SLC12A2: variants seen among roughly 807,000 people sequenced by gnomAD.
SLC12A2 encodes the protein solute carrier family 12 member 2, also known as Na-K-2Cl cotransporter 1.
Under a neutral mutation model 136.3 loss-of-function variants are expected in SLC12A2, and 67 were observed. That is an observed-to-expected ratio of 0.49 (90% CI 0.40 to 0.60). The LOEUF (loss-of-function observed/expected upper bound fraction) is 0.60, where lower values mean the gene tolerates loss of function less well. SLC12A2 is among the 20% of genes least tolerant of loss of function. The pLI is 0.00. For missense variants in SLC12A2, 1,322 were observed against 1,534.7 expected (o/e 0.86, Z 2.32); for synonymous variants, 619 against 562.9 (o/e 1.10, Z -1.41).
At chr5:128,126,374 G>T (rs1314253648) in intron 4 of SLC12A2, among the ~76,000 whole-genome samples, 1 of 152,110 alleles carries the variant, frequency 6.6e-6, no homozygotes, top group Non-Finnish European at 1.5e-5. Flanking sequence ...AAGAAATCAG[G>T]CAGTAACAGA....
chr5:128,099,245 AC>A (rs1760658504), intron 1 of SLC12A2, among the ~76,000 whole-genome samples: 1 of 152,154 alleles, frequency 6.6e-6, no homozygotes, highest in Admixed American at 6.6e-5. Context: ...CTTCTAGGCT[AC>A]AAATCTGTAC....
rs1763904474 is a variant in SLC12A2, at chr5:128,187,430, A to G, written c.*799A>G. ...GTCATTCTTTAAACAAAAATACTCA[A>G]GATCATTTATATTTATTTGGAGAGA... On this transcript the variant is annotated 3_prime_UTR_variant, in exon 27 of 27. Transcript: ENST00000262461. The G allele has an allele frequency of 6.6e-6, 1 of 152,110 alleles. No individual in the cohort carries two copies. Among genetic ancestry groups the G allele is most frequent in the Non-Finnish European group, 1.5e-5 (1 of 67,980 alleles). The allele number at this position is 152,110 out of a possible 1,614,324, so 9.4% of individuals were successfully genotyped here.
chr5:128,184,240 G>T, intron 24 of SLC12A2, 126 bp from the exon 25 acceptor site: 1 of 563,846 alleles, frequency 1.8e-6, no homozygotes, highest in Non-Finnish European at 3.1e-6. Flanking sequence ...ATTATGGTTG[G>T]GGTATGGAGA....
rs538031812 is a variant in SLC12A2, at chr5:128,123,532, G to A, written c.1049-7535G>A. ...TTTTATTTTTCATTCTAGTATGTGC[G>A]TAGTGGTATCTTAGGATAGTTTTCA... is the stretch of plus-strand genomic sequence containing the variant. On this transcript the variant is annotated intron_variant, in intron 4 of 26. Coordinates refer to ENST00000262461, the MANE Select transcript of SLC12A2 (RefSeq NM_001046.3). Among the ~76,000 whole-genome samples the A allele has an allele frequency of 3.3e-5, 5 of 152,178 alleles. No homozygotes were observed. The South Asian group carries it at 1.0e-3, about 32-fold the overall frequency.
At chr5:128,168,649 G>C (rs901136411) in intron 18 of SLC12A2, 1 of 152,198 alleles carries the variant, frequency 6.6e-6, no homozygotes, top group African/African-American at 2.4e-5. Context: ...GTCCCGTCTG[G>C]GGGTGATGGG....
intron 4 of SLC12A2, among the ~76,000 whole-genome samples, chr5:128,118,425 C>G (rs1171618121): frequency 2.0e-5 from 3 of 152,156 alleles, no homozygotes; most frequent in Admixed American, 6.5e-5. Context: ...TTGCGGCAAC[C>G]TGCATGGAGT....
chr5:128,111,077 T>C (rs1761126541), intron 1 of SLC12A2: 3 of 562,572 alleles, frequency 5.3e-6, no homozygotes, highest in East Asian at 3.4e-5. Context: ...ATTAATTCCA[T>C]GGACAATATA....
intron 23 of SLC12A2, among the ~76,000 whole-genome samples, chr5:128,181,448 T>A (rs1425213559): frequency 6.6e-6 from 1 of 152,212 alleles, no homozygotes; most frequent in Admixed American, 6.5e-5. Flanking sequence ...CTCTAAGTAC[T>A]CTTGTTTTGT....
rs1022287960 is a variant in SLC12A2, at chr5:128,141,891, A to C, written c.1683A>C (p.Thr561=). The C allele has an allele frequency of 6.2e-7, 1 of 1,613,950 alleles. No individual in the cohort carries two copies. The highest frequency in any genetic ancestry group is 1.3e-5 in the African/African-American group (1 of 74,928). Residue 561 remains threonine (T), a synonymous_variant, in exon 10 of 27, where the codon ACA becomes ACC. Coordinates refer to ENST00000262461, the MANE Select transcript of SLC12A2 (RefSeq NM_001046.3). ...NVNDTIVTEL[T]NCTSAACKLN... ...ATGACACTATCGTAACAGAGCTAAC[A>C]AACTGTACTTCTGCAGCCTGCAAAT...
intron 26 of SLC12A2, 113 bp from the exon 27 acceptor site, chr5:128,186,383 T>C (rs372947729): frequency 3.9e-6 from 4 of 1,019,528 alleles, no homozygotes; most frequent in African/African-American, 3.2e-5. Flanking sequence ...TCTGTAATTA[T>C]AGTAATTTAC....
chr5:128,169,000 TTTTG>T (rs1228660751), intron 18 of SLC12A2: 1 of 152,232 alleles, frequency 6.6e-6, no homozygotes, highest in Non-Finnish European at 1.5e-5. Context: ...ACCACATACT[TTTTG>T]TTTAATAACA....
At chr5:128,185,304 C>A (rs546028610) in intron 26 of SLC12A2, among the ~76,000 whole-genome samples, 1 of 152,078 alleles carries the variant, frequency 6.6e-6, no homozygotes, top group Non-Finnish European at 1.5e-5. Flanking sequence ...GTTTCCAACA[C>A]GCAAATTTTA....
intron 9 of SLC12A2, among the ~76,000 whole-genome samples, chr5:128,139,245 T>G (rs1762280289): frequency 6.6e-6 from 1 of 151,940 alleles, no homozygotes; most frequent in African/African-American, 2.4e-5. Flanking sequence ...TCTTACAAAT[T>G]TCTGTATTTT....
intron 1 of SLC12A2, among the ~76,000 whole-genome samples, chr5:128,093,329 T>G (rs997328346): frequency 2.0e-5 from 3 of 152,144 alleles, no homozygotes; most frequent in African/African-American, 7.2e-5. Context: ...ACTTTTCTCC[T>G]TCCTTGTTCC....
chr5:128,184,921 A>G (rs956664554), intron 26 of SLC12A2, 65 bp downstream of exon 26: 174 of 1,380,226 alleles, frequency 1.3e-4, no homozygotes, highest in Non-Finnish European at 1.5e-4. Context: ...ATTAATTTCT[A>G]TTCCAAGTAC....
intron 6 of SLC12A2, among the ~76,000 whole-genome samples, chr5:128,134,894 T>G (rs1263073967): frequency 6.6e-6 from 1 of 152,244 alleles, no homozygotes. Flanking sequence ...GTGCTATATA[T>G]GATATGATAA....
chr5:128,133,175 A>T (rs898454023), intron 5 of SLC12A2, among the ~76,000 whole-genome samples: 2 of 152,110 alleles, frequency 1.3e-5, no homozygotes, highest in African/African-American at 2.4e-5. Flanking sequence ...ACACTAAAAA[A>T]TTTTTTTGCA....
Position 128,148,754 on chromosome 5 carries a change from G to T in SLC12A2, c.1882G>T (p.Ala628Ser). 1 of 1,580,344 alleles carries T rather than the reference G, an allele frequency of 6.3e-7. No homozygotes were observed. Residue 628 changes from alanine to serine, a missense_variant and splice_region_variant, in exon 12 of 27, where the codon GCT becomes TCT. Ala to Ser is a moderately conservative substitution (Grantham distance 99). Around this residue, in one of 8 missense-constraint regions of SLC12A2, gnomAD observed 294 missense variants for 436.6 expected, o/e 0.67. Transcript: ENST00000262461. ...SLVSAPKIFQ[A>S]LCKDNIYPAF... ...TCATTTTAATGTTTTCTTTCATTAG[G>T]CTCTATGTAAGGACAACATCTACCC...
intron 4 of SLC12A2, among the ~76,000 whole-genome samples, chr5:128,129,326 T>C (rs1273708907): frequency 6.6e-6 from 1 of 152,160 alleles, no homozygotes; most frequent in African/African-American, 2.4e-5. Flanking sequence ...TGTGATTAAT[T>C]ATAATGTGAT....
Sources: allele counts gnomAD v4.1 joint callset (sites outside exome capture counted in the v4.1 genomes callset), GRCh38; gene constraint gnomAD v4.1.1; regional missense constraint gnomAD v4.1.1; transcripts MANE v1.5; gene names NCBI Gene and HGNC (gene_info 2026-07-23, HGNC 2026-07-21).